The following SERPINB4 variants were observed in gnomAD, a reference collection of about 807,000 sequenced individuals.
SERPINB4 encodes serpin family B member 4, also known as serpin B4.
SERPINB4 carries 39 observed loss-of-function variants against 33.2 expected under a neutral mutation model. The observed-to-expected ratio is 1.18, with a 90% CI of 0.91 to 1.53. The LOEUF (loss-of-function observed/expected upper bound fraction) is 1.53, where lower values mean the gene tolerates loss of function less well. Ranked by LOEUF, SERPINB4 falls within the 40% of genes most tolerant of loss-of-function variation. SERPINB4 has a pLI of 0.00. For missense variants in SERPINB4, 564 were observed against 455.4 expected (o/e 1.24, Z -2.17); for synonymous variants, 191 against 166.4 (o/e 1.15, Z -1.14).
At position 63,640,934 on chromosome 18, in the gene SERPINB4, C is replaced by A. The variant is rs772083334; in HGVS notation, c.409G>T (p.Ala137Ser). 8 of 1,612,922 alleles carry A rather than the reference C, an allele frequency of 5.0e-6. No individual in the cohort carries two copies. The South Asian group carries it at 7.7e-5, about 16-fold the overall frequency. Residue 137 changes from alanine (A) to serine (S), a missense_variant, in exon 5 of 8, where the codon GCA (alanine) becomes TCA (serine). Ala to Ser is a moderately conservative substitution (Grantham distance 99). Coordinates refer to ENST00000341074, the MANE Select transcript of SERPINB4 (RefSeq NM_002974.4). Reference protein sequence around the residue: ...YQTSVESTDFANAPEESRKKI... With the variant: ...YQTSVESTDFSNAPEESRKKI... ...TTTCGACTTTCTTCTGGAGCATTTG[C>A]AAAATCAGTAGATTCCACACTGGTC...
chr18:63,641,468 A>G (rs1237903846), intron 4 of SERPINB4, among the ~76,000 whole-genome samples: 1 of 152,050 alleles, frequency 6.6e-6, no homozygotes, highest in Non-Finnish European at 1.5e-5. Flanking sequence ...TATGTGACTG[A>G]GTCAGTGCCA....
rs541302733 is a variant in SERPINB4, at chr18:63,639,327, G to A, written c.626C>T (p.Ser209Phe). 1 of 1,606,800 alleles carries A rather than the reference G, an allele frequency of 6.2e-7. No individual in the cohort carries two copies. The highest frequency in any genetic ancestry group is 8.5e-7 in the Non-Finnish European group (1 of 1,175,526). ...KFWPNKNTYKSVQMMRQYNSF... is the reference protein window; with the variant it reads ...KFWPNKNTYKFVQMMRQYNSF... Reference sequence around the variant, plus strand: ...ATTGTATTGCCTCATCATCTGTACAGATTTGTATGTATTCTGCAATAAATC... The same window carrying A: ...ATTGTATTGCCTCATCATCTGTACAAATTTGTATGTATTCTGCAATAAATC... The change falls in exon 7 of 8, where the codon TCT becomes TTT. Residue 209 changes from serine to phenylalanine, a missense_variant. Physicochemically the swap from Ser to Phe is radical, Grantham distance 155 (BLOSUM62 -2). Coordinates refer to ENST00000341074, the MANE Select transcript of SERPINB4 (RefSeq NM_002974.4).
At chr18:63,640,084 T>C (rs1196704569) in intron 5 of SERPINB4, among the ~76,000 whole-genome samples, 2 of 152,078 alleles carry the variant, frequency 1.3e-5, no homozygotes, top group Admixed American at 1.3e-4. Context: ...AAACTGATTT[T>C]GTCTACTCTT....
At chr18:63,640,591 C>T (rs2518062) in intron 5 of SERPINB4, among the ~76,000 whole-genome samples, 23,683 of 152,032 alleles carry the variant, frequency 0.16, 2,238 homozygotes, top group Middle Eastern at 0.22. Context: ...TCAAAATAGG[C>T]CTGAGCGGAG....
At position 63,637,727 on chromosome 18, in the gene SERPINB4, A is replaced by G. The variant is rs149002798; in HGVS notation, c.1165T>C (p.Ser389Pro). The change falls in exon 8 of 8, where the codon TCC becomes CCC. Residue 389 changes from serine to proline, a missense_variant. Ser to Pro is a moderately conservative substitution (Grantham distance 74, BLOSUM62 -1). Coordinates refer to ENST00000341074, the MANE Select transcript of SERPINB4 (RefSeq NM_002974.4). ...TGACAGACTAATTGCATCTATGGGG[A>G]TGAGAATCTGCCATAGAAGAGGATG... ...NSILFYGRFS[S>P]P is the part of the protein sequence containing the mutation. The G allele has an allele frequency of 1.2e-6, 2 of 1,603,778 alleles. No individual in the cohort carries two copies.
At chr18:63,643,106 T>C (rs1023441022) in intron 3 of SERPINB4, 55 bp downstream of exon 3, 23 of 1,608,630 alleles carry the variant, frequency 1.4e-5, no homozygotes, top group South Asian at 4.4e-5. Flanking sequence ...GTTCCAGGTT[T>C]AAACTATGAC....
In SERPINB4 at chr18:63,643,010, G is replaced by A. The variant is rs1278456673; in HGVS notation, c.222+151C>T. On this transcript the variant is annotated intron_variant, in intron 3 of 7. Transcript: ENST00000341074. ...CAGAAATGAGGAATAATAATTATGT[G>A]CCATGAAATGCCAACCCACTCTGTA... 12 of 802,582 alleles carry A rather than the reference G, an allele frequency of 1.5e-5. No homozygotes were observed. In the East Asian group the frequency reaches 2.7e-4, roughly 18 times the overall value. 49.7% of individuals were successfully genotyped at this position (802,582 alleles called of 1,614,324 possible).
rs1912962599 is a variant in SERPINB4 at position 63,637,499 on chromosome 18, G to A, written c.*220C>T. On this transcript the variant is annotated 3_prime_UTR_variant, in exon 8 of 8. Coordinates refer to ENST00000341074, the MANE Select transcript of SERPINB4 (RefSeq NM_002974.4). ...TTATCTTGGACATTTTTCCTCAAGGGAAATTTTTCTGGAAGGAAAAGTACA... is the reference window on the plus strand; with the variant it reads ...TTATCTTGGACATTTTTCCTCAAGGAAAATTTTTCTGGAAGGAAAAGTACA... 4.4e-6 allele frequency: 2 copies of A among 457,382 alleles called. No homozygotes were observed. Among genetic ancestry groups the A allele is most frequent in the South Asian group, 1.2e-4 (2 of 16,476 alleles). The allele number at this position is 457,382 out of a possible 1,614,324, so 28.3% of individuals were successfully genotyped here. A position where few individuals can be genotyped will look rare whatever the true frequency, so the allele number is the denominator to read the frequency against.
Position 63,637,703 on chromosome 18 carries a change from G to C in SERPINB4, c.*16C>G, listed in dbSNP as rs768419150. 14 of 1,577,622 alleles carry C rather than the reference G, an allele frequency of 8.9e-6. No homozygotes were observed. In the South Asian group the frequency reaches 1.4e-4, roughly 16 times the overall value. On this transcript the variant is annotated 3_prime_UTR_variant, in exon 8 of 8. Coordinates refer to ENST00000341074, the MANE Select transcript of SERPINB4 (RefSeq NM_002974.4). ...TAGGTGAACATTTTCTAAATGGAGT[G>C]ACAGACTAATTGCATCTATGGGGAT...
chr18:63,641,133 C>T, intron 4 of SERPINB4, 142 bp from the exon 5 acceptor site: 1 of 684,094 alleles, frequency 1.5e-6, no homozygotes, highest in Non-Finnish European at 2.5e-6. Flanking sequence ...TATTTTTATA[C>T]AGGTGTCATG....
In SERPINB4 at chr18:63,637,602, C is replaced by T. The variant is rs1912966461; in HGVS notation, c.*117G>A. 3 of 1,054,602 alleles carry T rather than the reference C, an allele frequency of 2.8e-6. No individual in the cohort carries two copies. The Admixed American group carries it at 7.4e-5, about 26-fold the overall frequency. The allele number at this position is 1,054,602 out of a possible 1,614,324, so 65.3% of individuals were successfully genotyped here. ...TTAAATTCTTGATGATGACTATCAT[C>T]ATCAAGATGAGATAGAAAAGAAATA... is the stretch of plus-strand genomic sequence containing the variant. On this transcript the variant is annotated 3_prime_UTR_variant, in exon 8 of 8. Coordinates refer to ENST00000341074, the MANE Select transcript of SERPINB4 (RefSeq NM_002974.4).
chr18:63,637,856 C>A lies in SERPINB4; in HGVS notation c.1036G>T (p.Ala346Ser), dbSNP rs2144461114. 3 of 1,613,482 alleles carry A rather than the reference C, an allele frequency of 1.9e-6. No homozygotes were observed. Among genetic ancestry groups the A allele is most frequent in the Non-Finnish European group, 2.5e-6 (3 of 1,179,706 alleles). Residue 346 changes from alanine to serine, a missense_variant, in exon 8 of 8, where the codon GCC becomes TCC. Transcript: ENST00000341074. Reference protein sequence around the residue: ...VTEEGVEAAAATAVVVVELSS... With the variant: ...VTEEGVEAAASTAVVVVELSS... Reference sequence around the variant, plus strand: ...AATTCGACTACTACTACAGCGGTGGCAGCTGCAGCTTCCACTCCCTCCTCA... The same window carrying A: ...AATTCGACTACTACTACAGCGGTGGAAGCTGCAGCTTCCACTCCCTCCTCA...
chr18:63,638,361 T>C (rs1598924998), intron 7 of SERPINB4, among the ~76,000 whole-genome samples: 1 of 152,076 alleles, frequency 6.6e-6, no homozygotes, highest in Non-Finnish European at 1.5e-5. Flanking sequence ...TGTTTTTACG[T>C]ATATGTATAT....
At chr18:63,642,342 T>A (rs537598313) in intron 3 of SERPINB4, among the ~76,000 whole-genome samples, 10 of 152,248 alleles carry the variant, frequency 6.6e-5, no homozygotes, top group African/African-American at 1.4e-4. Context: ...TAGGACACAT[T>A]GACTGATCTG....
At chr18:63,639,059 A>G (rs1327455941) in intron 7 of SERPINB4, 126 bp downstream of exon 7, 9 of 1,131,268 alleles carry the variant, frequency 8.0e-6, no homozygotes, top group Non-Finnish European at 1.1e-5. Context: ...GTGAGTCATC[A>G]TTCCTCATTT....
chr18:63,641,823 A>T lies in SERPINB4; in HGVS notation c.288T>A (p.Thr96=), dbSNP rs147972472. ...QKLLTEFNKS[T]DAYELKIANK... ...TGGCGATCTTCAGCTCATATGCATC[A>T]GTGGATTTGTTGAATTCAGTCAGAA... Residue 96 remains threonine, a synonymous_variant, in exon 4 of 8, where the codon ACT becomes ACA. Coordinates refer to ENST00000341074, the MANE Select transcript of SERPINB4 (RefSeq NM_002974.4). 1.3e-4 allele frequency: 216 copies of T among 1,613,382 alleles called. No individual in the cohort carries two copies. The highest frequency in any genetic ancestry group is 1.7e-4 in the Non-Finnish European group (206 of 1,179,578).
intron 6 of SERPINB4, 21 bp downstream of exon 6, chr18:63,639,613 T>A (rs1205904124): frequency 6.9e-7 from 1 of 1,439,638 alleles, no homozygotes; most frequent in Non-Finnish European, 9.7e-7. Context: ...TTACACTATA[T>A]AAATAAAATA....
At chr18:63,639,034 A>C (rs2144464896) in intron 7 of SERPINB4, 151 bp downstream of exon 7, 3 of 876,718 alleles carry the variant, frequency 3.4e-6, no homozygotes, top group Admixed American at 2.9e-5. Flanking sequence ...ATGCTCAAAT[A>C]TTTGTAATAT....
Position 63,637,781 on chromosome 18 carries a change from A to C in SERPINB4, c.1111T>G (p.Phe371Val), listed in dbSNP as rs1211167898. ...EEFCCNHPFL[F>V]FIRQNKTNSI... Reference sequence around the variant, plus strand: ...TTGGTCTTATTTTGCCTTATGAAGAATAGGAAAGGGTGATTACAACAGAAC... The same window carrying C: ...TTGGTCTTATTTTGCCTTATGAAGACTAGGAAAGGGTGATTACAACAGAAC... Residue 371 changes from phenylalanine (F) to valine (V), a missense_variant, in exon 8 of 8, where the codon TTC becomes GTC. Physicochemically the swap from Phe to Val is conservative, Grantham distance 50. Transcript: ENST00000341074. 3.1e-6 allele frequency: 5 copies of C among 1,613,366 alleles called. No individual in the cohort carries two copies. The Admixed American group carries it at 8.3e-5, about 27-fold the overall frequency.
Sources: allele counts gnomAD v4.1 joint callset (sites outside exome capture counted in the v4.1 genomes callset), GRCh38; gene constraint gnomAD v4.1.1; transcripts MANE v1.5; gene names NCBI Gene and HGNC (gene_info 2026-07-23, HGNC 2026-07-21).